The following SLC9A9 variants were observed in gnomAD, a reference collection of about 807,000 sequenced individuals.
SLC9A9 encodes sodium/hydrogen exchanger 9.
In SLC9A9, 62 loss-of-function variants were observed where a neutral mutation model predicts 77.8. That is an observed-to-expected ratio of 0.80 (90% CI 0.65 to 0.98). The LOEUF (loss-of-function observed/expected upper bound fraction) is 0.98. SLC9A9 is among the 50% of genes least tolerant of loss of function. The pLI is 0.00. For synonymous variants in SLC9A9, 320 were observed against 283.5 expected (o/e 1.13, Z -1.29); for missense variants, 775 against 774.9 (o/e 1.00, Z 0.00).
intron 6 of SLC9A9, among the ~76,000 whole-genome samples, chr3:143,626,538 T>C (rs565816220): frequency 0.016 from 2,397 of 151,974 alleles, 70 homozygotes; most frequent in African/African-American, 0.054. Flanking sequence ...ACACCGCATG[T>C]TCTCACTCAT....
At chr3:143,439,168 CT>C (rs1207318898) in intron 12 of SLC9A9, among the ~76,000 whole-genome samples, 1 of 152,162 alleles carries the variant, frequency 6.6e-6, no homozygotes, top group Non-Finnish European at 1.5e-5. Context: ...CATTCTGGGC[CT>C]TTTCCCTGGG....
chr3:143,752,961 T>A (rs533462539), intron 4 of SLC9A9, among the ~76,000 whole-genome samples: 1 of 152,198 alleles, frequency 6.6e-6, no homozygotes, highest in Non-Finnish European at 1.5e-5. Context: ...CTATTGATGA[T>A]CCTATTCTGA....
intron 11 of SLC9A9, among the ~76,000 whole-genome samples, chr3:143,478,247 G>A (rs1446276751): frequency 1.3e-5 from 2 of 152,308 alleles, no homozygotes; most frequent in East Asian, 1.9e-4. Flanking sequence ...CTTTCACTTC[G>A]ACTTGTGGCA....
At chr3:143,680,779 G>A (rs1413521476) in intron 5 of SLC9A9, among the ~76,000 whole-genome samples, 2 of 151,756 alleles carry the variant, frequency 1.3e-5, no homozygotes, top group Non-Finnish European at 2.9e-5. Context: ...TTTTCTTACC[G>A]AATTTGCTAG....
intron 4 of SLC9A9, among the ~76,000 whole-genome samples, chr3:143,709,572 A>G (rs1022251661): frequency 6.6e-6 from 1 of 152,198 alleles, no homozygotes; most frequent in Non-Finnish European, 1.5e-5. Context: ...CTTAAGGGGC[A>G]GCACTTTGAA....
intron 11 of SLC9A9, among the ~76,000 whole-genome samples, chr3:143,473,393 T>A (rs1450174456): frequency 6.6e-6 from 1 of 152,170 alleles, no homozygotes; most frequent in Non-Finnish European, 1.5e-5. Context: ...CCTGTTTACT[T>A]CCTCTTCTCC....
chr3:143,639,070 G>T (rs895246787), intron 6 of SLC9A9, among the ~76,000 whole-genome samples: 8 of 152,182 alleles, frequency 5.3e-5, no homozygotes, highest in African/African-American at 1.9e-4. Flanking sequence ...GAGAAGTCAG[G>T]TTTAAGTGTA....
chr3:143,334,558 T>C (rs1220692581), intron 14 of SLC9A9, among the ~76,000 whole-genome samples: 1 of 152,226 alleles, frequency 6.6e-6, no homozygotes, highest in Non-Finnish European at 1.5e-5. Context: ...CAGTGTTCTC[T>C]TCTGTAAAAC....
At chr3:143,733,000 T>C (rs960975070) in intron 4 of SLC9A9, among the ~76,000 whole-genome samples, 1 of 152,162 alleles carries the variant, frequency 6.6e-6, no homozygotes, top group African/African-American at 2.4e-5. Flanking sequence ...CATCATTAGG[T>C]AATAAACATA....
At chr3:143,457,727 CA>C (rs369241777) in intron 12 of SLC9A9, among the ~76,000 whole-genome samples, 9 of 152,234 alleles carry the variant, frequency 5.9e-5, no homozygotes, top group African/African-American at 2.2e-4. Context: ...GTTAGAATTG[CA>C]TTAATTTTCA....
chr3:143,788,862 G>A (rs1441957660), intron 4 of SLC9A9, among the ~76,000 whole-genome samples: 1 of 151,552 alleles, frequency 6.6e-6, no homozygotes, highest in African/African-American at 2.4e-5. Context: ...ATGAAAATAT[G>A]ACAAGACAAC....
chr3:143,724,396 T>C (rs1934584962), intron 4 of SLC9A9, among the ~76,000 whole-genome samples: 1 of 152,206 alleles, frequency 6.6e-6, no homozygotes, highest in Non-Finnish European at 1.5e-5. Flanking sequence ...AAACTTCTTT[T>C]CTTCATAAAT....
intron 6 of SLC9A9, among the ~76,000 whole-genome samples, chr3:143,614,858 G>T (rs145213926): frequency 1.3e-5 from 2 of 152,326 alleles, no homozygotes; most frequent in African/African-American, 4.8e-5. Context: ...TTAAGAAAAG[G>T]TTATGAAAGC....
chr3:143,518,933 A>T (rs2036248823), intron 9 of SLC9A9, among the ~76,000 whole-genome samples: 1 of 152,242 alleles, frequency 6.6e-6, no homozygotes, highest in Non-Finnish European at 1.5e-5. Flanking sequence ...GTGTCACAAC[A>T]ACATTTCTAC....
chr3:143,450,054 CATATATAATATGT>C (rs11276626), intron 12 of SLC9A9, among the ~76,000 whole-genome samples: 31,695 of 87,200 alleles, frequency 0.36, 5,388 homozygotes, highest in East Asian at 0.51. Context: ...TATATACACA[CATATATAATATGT>C]ATATATAATA....
At chr3:143,789,760 G>A (rs1368336887) in intron 4 of SLC9A9, among the ~76,000 whole-genome samples, 1 of 152,088 alleles carries the variant, frequency 6.6e-6, no homozygotes, top group Non-Finnish European at 1.5e-5. Flanking sequence ...TGTCCACACA[G>A]CCCCCTCACT....
At chr3:143,447,186 A>G (rs1208169190) in intron 12 of SLC9A9, among the ~76,000 whole-genome samples, 4 of 152,172 alleles carry the variant, frequency 2.6e-5, no homozygotes, top group African/African-American at 4.8e-5. Flanking sequence ...GCACAACCCA[A>G]TGAGAAATTA....
At chr3:143,514,352 G>T (rs899605189) in intron 9 of SLC9A9, among the ~76,000 whole-genome samples, 3 of 152,074 alleles carry the variant, frequency 2.0e-5, no homozygotes, top group Non-Finnish European at 4.4e-5. Context: ...ATTCTTAAGG[G>T]CTCTAGGATT....
chr3:143,633,299 T>G (rs2108729019), intron 6 of SLC9A9, among the ~76,000 whole-genome samples: 1 of 152,330 alleles, frequency 6.6e-6, no homozygotes, highest in South Asian at 2.1e-4. Context: ...GTAATGTATT[T>G]TCTGCCTTAA....
Sources: gnomAD v4.1 joint callset for allele counts (sites outside exome capture counted in the v4.1 genomes callset) on GRCh38, gnomAD v4.1.1 for gene constraint, MANE v1.5 for transcripts, NCBI Gene and HGNC (gene_info 2026-07-23, HGNC 2026-07-21) for gene names.